Variants in TRPM5 observed in about 807,000 individuals in gnomAD.
TRPM5 encodes transient receptor potential cation channel subfamily M member 5, also known as MLSN1 and TRP-related.
Under a neutral mutation model 124.9 loss-of-function variants are expected in TRPM5, and 121 were observed. The observed-to-expected ratio is 0.97, with a 90% CI of 0.84 to 1.13. The LOEUF (loss-of-function observed/expected upper bound fraction) is 1.13. TRPM5 is among the 50% of genes most tolerant of loss of function. The pLI is 0.00. For synonymous variants in TRPM5, 781 were observed against 700.5 expected, an observed-to-expected ratio of 1.11 and a Z score of -1.81; for missense variants, 1,643 against 1,589.1, an observed-to-expected ratio of 1.03 and a Z score of -0.58.
At chr11:2,439,100 G>C in the TRPM5 span, among the ~76,000 whole-genome samples, 199 of 152,296 alleles carry the variant, frequency 1.3e-3, no homozygotes, top group Non-Finnish European at 2.0e-3. Context: ...TTCAATAAAT[G>C]GTGCTGAGAC....
At chr11:2,406,891 A>C (rs1173762215) in intron 20 of TRPM5, 98 bp from the exon 26 acceptor site, 1 of 1,503,252 alleles carries the variant, frequency 6.7e-7, no homozygotes, top group African/African-American at 1.4e-5. Context: ...AGGCAGAAGG[A>C]GTGAGTGGGG....
At position 2,421,026 on chromosome 11, in the gene TRPM5, G is replaced by A. The variant is rs368603225; in HGVS notation, c.465+6C>T. ...GCGGTCGTGGTGCTGGGAGCTGGAC[G>A]TGCACCTGGGCCTCCTCCAGAATGC... On this transcript the variant is annotated splice_donor_region_variant and intron_variant, in intron 3 of 23. Transcript: ENST00000155858. The A allele has an allele frequency of 5.9e-6, 9 of 1,536,404 alleles. No individual in the cohort carries two copies. Among genetic ancestry groups the A allele is most frequent in the African/African-American group, 1.4e-5 (1 of 72,538 alleles).
exon 14 of TRPM5, chr11:2,413,226 A>G: frequency 6.5e-7 from 1 of 1,546,376 alleles, no homozygotes; most frequent in Non-Finnish European, 8.7e-7. Flanking sequence ...GAGCTTCCTC[A>G]CTGCGAGCAC....
Position 2,416,030 on chromosome 11 carries a change from G to C in TRPM5, c.1010-6C>G. ...CTGGCTGTGGCTCTTGCAGGCTGTG[G>C]GCAGAGCAGGCAGGCACTGGTGAGG... On this transcript the variant is annotated splice_polypyrimidine_tract_variant and splice_region_variant and intron_variant, in intron 7 of 23. Transcript: ENST00000155858. The C allele has an allele frequency of 6.3e-7, 1 of 1,591,384 alleles. No homozygotes were observed. The highest frequency in any genetic ancestry group is 1.7e-4 in the Middle Eastern group (1 of 6,028).
Position 2,418,148 on chromosome 11 carries a change from G to C in TRPM5, c.906+19C>G, listed in dbSNP as rs781673836. ...CCCGGAGGAGGGGTCGGGAGGACAG[G>C]GGAGGGGGCAGCACATACCAGCTTG... On this transcript the variant is annotated intron_variant, in intron 6 of 23. Transcript: ENST00000155858. 1 of 1,533,858 alleles carries C rather than the reference G, an allele frequency of 6.5e-7. No individual in the cohort carries two copies. Among genetic ancestry groups the C allele is most frequent in the South Asian group, 1.2e-5 (1 of 83,462 alleles).
chr11:2,413,562 C>T (rs144176365), exon 13 of TRPM5: 21 of 1,612,580 alleles, frequency 1.3e-5, no homozygotes, highest in Non-Finnish European at 1.8e-5. Flanking sequence ...CGGCCATGTC[C>T]CCCCACCAGA....
At chr11:2,416,074 C>G (rs760966250) in intron 7 of TRPM5, 50 bp from the exon 13 acceptor site, 1 of 1,420,984 alleles carries the variant, frequency 7.0e-7, no homozygotes, top group East Asian at 2.3e-5. Context: ...GAGGGCCTCA[C>G]AGAGCCGGGG....
chr11:2,442,026 C>T, the TRPM5 span, among the ~76,000 whole-genome samples: 8 of 152,126 alleles, frequency 5.3e-5, no homozygotes, highest in African/African-American at 1.4e-4. This position sits in a 1 kb window ranked among gnomAD's most constrained non-coding sequence, Gnocchi z 5.9. Context: ...CCTGCCTGAC[C>T]GCCCTGCCTT....
At chr11:2,413,010 A>G in exon 15 of TRPM5, 1 of 1,601,992 alleles carries the variant, frequency 6.2e-7, no homozygotes, top group Non-Finnish European at 8.5e-7. Context: ...CAGCTCCTCC[A>G]CCCTGTGCCG....
At chr11:2,411,015 G>A (rs550399461) in intron 18 of TRPM5, among the ~76,000 whole-genome samples, 29 of 152,218 alleles carry the variant, frequency 1.9e-4, no homozygotes, top group Admixed American at 1.4e-3. Context: ...CTTCCCCACC[G>A]ATAGACCACC....
chr11:2,408,790 G>A (rs74050541), intron 18 of TRPM5, among the ~76,000 whole-genome samples: 7,702 of 152,268 alleles, frequency 0.051, 223 homozygotes, highest in African/African-American at 0.075. Flanking sequence ...TGCCCTGGCC[G>A]TCCAGGACCA....
chr11:2,428,813 G>A, the TRPM5 span, among the ~76,000 whole-genome samples: 1 of 151,810 alleles, frequency 6.6e-6, no homozygotes, highest in African/African-American at 2.4e-5. This position sits in a 1 kb window ranked among gnomAD's most constrained non-coding sequence, Gnocchi z 4.0. Context: ...GATGATTGTG[G>A]TGGGGATAAT....
chr11:2,413,155 G>C (rs200948792), exon 14 of TRPM5: 14 of 1,553,434 alleles, frequency 9.0e-6, no homozygotes, highest in Non-Finnish European at 1.1e-5. Context: ...GCCATACAGC[G>C]GGCTCTTCTC....
At chr11:2,429,470 CGAT>C in the TRPM5 span, among the ~76,000 whole-genome samples, 9 of 148,890 alleles carry the variant, frequency 6.0e-5, no homozygotes, top group African/African-American at 2.0e-4. The surrounding 1 kb of genome is among the most constrained non-coding windows in gnomAD (Gnocchi z 8.4). Flanking sequence ...GTGATGGAGA[CGAT>C]GATGGTGATG....
chr11:2,426,341 C>T (rs1845840131), upstream of TRPM5, among the ~76,000 whole-genome samples: 1 of 152,164 alleles, frequency 6.6e-6, no homozygotes, highest in Non-Finnish European at 1.5e-5. Context: ...AGGCATTTGG[C>T]CAGGTGCTAG....
intron 18 of TRPM5, among the ~76,000 whole-genome samples, chr11:2,410,478 C>T (rs909043647): frequency 2.6e-5 from 4 of 152,132 alleles, no homozygotes; most frequent in Non-Finnish European, 5.9e-5. Context: ...CGGCACCCCT[C>T]GAGGGCCCCA....
At chr11:2,414,611 A>G in intron 11 of TRPM5, 104 bp downstream of exon 16, 2 of 1,408,100 alleles carry the variant, frequency 1.4e-6, no homozygotes, top group Non-Finnish European at 9.3e-7. Context: ...CTGGAGCCCC[A>G]CGGCGGTAAC....
At chr11:2,444,422 A>G in the TRPM5 span, among the ~76,000 whole-genome samples, 51 of 151,536 alleles carry the variant, frequency 3.4e-4, no homozygotes, top group Admixed American at 1.6e-3. Flanking sequence ...GGTATCGGCC[A>G]GGCCTTACCC....
chr11:2,407,048 A>C lies in TRPM5; in HGVS notation c.3118+71T>G, dbSNP rs375548885. 102 of 1,451,946 alleles carry C rather than the reference A, an allele frequency of 7.0e-5. No individual in the cohort carries two copies. The East Asian group carries it at 2.2e-3, about 31-fold the overall frequency. 89.9% of individuals were successfully genotyped at this position (1,451,946 alleles called of 1,614,324 possible). Reference sequence around the variant, plus strand: ...TCCAGGTCTCTCCAGACCTGCCTCCAGCGCACAGCCCCGCCCTGGGACCCG... The same window carrying C: ...TCCAGGTCTCTCCAGACCTGCCTCCCGCGCACAGCCCCGCCCTGGGACCCG... On this transcript the variant is annotated intron_variant, in intron 20 of 23. Transcript: ENST00000155858.
Sources: gnomAD v4.1 joint callset for allele counts (sites outside exome capture counted in the v4.1 genomes callset) on GRCh38, gnomAD v4.1.1 for gene constraint, Gnocchi (gnomAD v3.1) non-coding constraint, MANE v1.5 for transcripts, NCBI Gene and HGNC (gene_info 2026-07-23, HGNC 2026-07-21) for gene names.